Variants in IMMP2L observed in about 807,000 individuals in gnomAD.
The protein encoded by IMMP2L is inner mitochondrial membrane peptidase subunit 2.
A neutral mutation model predicts 19.3 loss-of-function variants in IMMP2L; 18 were observed. The observed-to-expected ratio is 0.93, with a 90% CI of 0.64 to 1.38. The LOEUF (loss-of-function observed/expected upper bound fraction) is 1.38. Among genes scored for constraint, IMMP2L ranks in the 40% most tolerant of loss-of-function variants. The pLI is 0.00. For missense variants in IMMP2L, 233 were observed against 218.2 expected (o/e 1.07, Z -0.43); for synonymous variants, 76 against 73.0 (o/e 1.04, Z -0.21).
intron 5 of IMMP2L, among the ~76,000 whole-genome samples, chr7:110,690,748 G>C (rs185632951): frequency 6.6e-6 from 1 of 151,598 alleles, no homozygotes; most frequent in East Asian, 1.9e-4. Context: ...TAAAAATCTA[G>C]GAATATACTT....
At chr7:111,058,465 A>C (rs1329617116) in intron 3 of IMMP2L, among the ~76,000 whole-genome samples, 1 of 152,246 alleles carries the variant, frequency 6.6e-6, no homozygotes, top group Non-Finnish European at 1.5e-5. Flanking sequence ...TTTGTAGGAC[A>C]CAGTCTATTC....
At chr7:111,364,583 C>G (rs1829583749) in intron 3 of IMMP2L, among the ~76,000 whole-genome samples, 1 of 146,240 alleles carries the variant, frequency 6.8e-6, no homozygotes, top group Non-Finnish European at 1.5e-5. Context: ...TGCAGTGAGT[C>G]AAGATTGCGC....
intron 3 of IMMP2L, among the ~76,000 whole-genome samples, chr7:111,461,236 CAAT>C (rs1402087039): frequency 6.6e-6 from 1 of 151,888 alleles, no homozygotes; most frequent in African/African-American, 2.4e-5. Context: ...ATATCAAAAA[CAAT>C]AATCAAAATT....
chr7:110,976,364 G>A (rs550702345), intron 3 of IMMP2L, among the ~76,000 whole-genome samples: 1 of 151,922 alleles, frequency 6.6e-6, no homozygotes, highest in South Asian at 2.1e-4. Flanking sequence ...TTTGTGCCTG[G>A]CTTATTTCAT....
chr7:111,021,753 G>C (rs548068775), intron 3 of IMMP2L, among the ~76,000 whole-genome samples: 22 of 152,214 alleles, frequency 1.4e-4, no homozygotes, highest in Non-Finnish European at 2.6e-4. Context: ...GGTGGTGGCA[G>C]GCACCTGTAA....
chr7:111,287,896 C>A (rs1045986831), intron 3 of IMMP2L, among the ~76,000 whole-genome samples: 1 of 152,118 alleles, frequency 6.6e-6, no homozygotes, highest in Non-Finnish European at 1.5e-5. Flanking sequence ...ATAAAGTTTG[C>A]AGCATTTAAT....
intron 1 of IMMP2L, among the ~76,000 whole-genome samples, chr7:111,527,424 G>C (rs1001884586): frequency 6.7e-5 from 8 of 118,714 alleles, no homozygotes; most frequent in African/African-American, 1.0e-4. Context: ...CTCCAAAAAG[G>C]GGGGGGGGGT....
chr7:111,524,695 T>C (rs955773156), intron 1 of IMMP2L, among the ~76,000 whole-genome samples: 5 of 152,148 alleles, frequency 3.3e-5, no homozygotes, highest in Non-Finnish European at 7.4e-5. Flanking sequence ...GGGGAAAAGT[T>C]AGCAAAGAAA....
At chr7:111,087,477 A>G (rs1019240568) in intron 3 of IMMP2L, among the ~76,000 whole-genome samples, 1 of 151,748 alleles carries the variant, frequency 6.6e-6, no homozygotes, top group African/African-American at 2.4e-5. Flanking sequence ...AAAAACAACG[A>G]AACACTAGAA....
intron 3 of IMMP2L, among the ~76,000 whole-genome samples, chr7:111,160,803 A>T (rs2129606596): frequency 6.6e-6 from 1 of 150,986 alleles, no homozygotes; most frequent in South Asian, 2.1e-4. Context: ...TTAAACAGGA[A>T]TCACAAAACA....
chr7:111,525,493 G>T (rs995912332), intron 1 of IMMP2L, among the ~76,000 whole-genome samples: 3 of 152,144 alleles, frequency 2.0e-5, no homozygotes, highest in African/African-American at 7.2e-5. Flanking sequence ...CTATCTGAAA[G>T]CCTGGATAGG....
At position 111,071,382 on chromosome 7, in the gene IMMP2L, C is replaced by G. The variant is rs551382545; in HGVS notation, c.240-107817G>C. ...ACCATATAAGCCAGTAATTCCATTC[C>G]TAGGTACGTATACCCTGAAACTAAA... On this transcript the variant is annotated intron_variant, in intron 3 of 5. Transcript: ENST00000405709. Among the ~76,000 whole-genome samples the G allele has an allele frequency of 5.9e-5, 9 of 152,176 alleles. No homozygotes were observed. In the East Asian group the frequency reaches 1.7e-3, roughly 29 times the overall value.
chr7:111,423,505 A>T (rs1835784447), intron 3 of IMMP2L, among the ~76,000 whole-genome samples: 1 of 151,792 alleles, frequency 6.6e-6, no homozygotes, highest in African/African-American at 2.4e-5. Context: ...ATTTGCGTAA[A>T]GGTGTTTATA....
intron 3 of IMMP2L, among the ~76,000 whole-genome samples, chr7:111,092,056 G>A (rs746111691): frequency 6.6e-6 from 1 of 152,192 alleles, no homozygotes; most frequent in Non-Finnish European, 1.5e-5. Flanking sequence ...GCTGTTGTAT[G>A]TTAAGAGCTA....
chr7:111,435,967 C>G (rs1482954482), intron 3 of IMMP2L, among the ~76,000 whole-genome samples: 1 of 151,750 alleles, frequency 6.6e-6, no homozygotes, highest in East Asian at 1.9e-4. Context: ...CTTCCTCTCT[C>G]CCAATCCCAT....
At chr7:111,217,277 G>A (rs1186153142) in intron 3 of IMMP2L, among the ~76,000 whole-genome samples, 1 of 151,982 alleles carries the variant, frequency 6.6e-6, no homozygotes, top group East Asian at 1.9e-4. Flanking sequence ...GTGGCCAGGA[G>A]CCTAGCAGAA....
chr7:111,061,276 G>A (rs1220888103), intron 3 of IMMP2L, among the ~76,000 whole-genome samples: 1 of 152,156 alleles, frequency 6.6e-6, no homozygotes, highest in East Asian at 1.9e-4. Context: ...AGACTGGCTA[G>A]TGAGCCATAT....
At position 110,851,112 on chromosome 7, in the gene IMMP2L, A is replaced by T. The variant is rs1806177081; in HGVS notation, c.408+35481T>A. 2.0e-5 allele frequency among the ~76,000 whole-genome samples: 3 copies of T among 152,122 alleles called. No homozygotes were observed. In the South Asian group the frequency reaches 6.2e-4, roughly 31 times the overall value. On this transcript the variant is annotated intron_variant, in intron 5 of 5. Transcript: ENST00000405709. ...TAAATTCTTTCTGACTACTTGGTAGAGTATGAATGTATATAAATTTTATGG... is the reference window on the plus strand; with the variant it reads ...TAAATTCTTTCTGACTACTTGGTAGTGTATGAATGTATATAAATTTTATGG...
At chr7:110,918,986 T>A (rs943470132) in intron 4 of IMMP2L, among the ~76,000 whole-genome samples, 1 of 152,108 alleles carries the variant, frequency 6.6e-6, no homozygotes, top group Admixed American at 6.6e-5. Context: ...CCCCAAAAGA[T>A]AATTGAGTAG....
Sources: gnomAD v4.1 joint callset for allele counts (sites outside exome capture counted in the v4.1 genomes callset) on GRCh38, gnomAD v4.1.1 for gene constraint, MANE v1.5 for transcripts, NCBI Gene and HGNC (gene_info 2026-07-23, HGNC 2026-07-21) for gene names.